The following GRIP1 variants were observed in gnomAD, a reference collection of about 807,000 sequenced individuals.
GRIP1 encodes glutamate receptor-interacting protein 1.
Under a neutral mutation model 129.9 loss-of-function variants are expected in GRIP1, and 45 were observed. The ratio of observed to expected loss-of-function variants is 0.35; its 90% confidence interval spans 0.27 to 0.44. The LOEUF is 0.44. Ranked by LOEUF, GRIP1 falls within the 20% of genes least tolerant of loss-of-function variation. The pLI is 1.00. For synonymous variants in GRIP1, 530 were observed against 520.8 expected (o/e 1.02, Z -0.24); for missense variants, 1,196 against 1,396.8 (o/e 0.86, Z 2.29).
chr12:66,741,502 C>G (rs1363096200), intron 1 of GRIP1, among the ~76,000 whole-genome samples: 1 of 152,166 alleles, frequency 6.6e-6, no homozygotes, highest in Admixed American at 6.6e-5. Flanking sequence ...GGGTATGGGG[C>G]TAGGCCAGCA....
intron 1 of GRIP1, among the ~76,000 whole-genome samples, chr12:66,642,628 A>G (rs1415329939): frequency 6.6e-6 from 1 of 152,142 alleles, no homozygotes; most frequent in Non-Finnish European, 1.5e-5. Context: ...GTTGAAAGGG[A>G]TCAGTCAGGG....
intron 1 of GRIP1, among the ~76,000 whole-genome samples, chr12:66,916,425 T>C (rs1365128328): frequency 1.3e-5 from 2 of 152,118 alleles, no homozygotes; most frequent in Non-Finnish European, 2.9e-5. Flanking sequence ...GCATGTAGAA[T>C]TCAGCTCTCC....
intron 1 of GRIP1, among the ~76,000 whole-genome samples, chr12:66,732,623 A>C (rs1444277056): frequency 2.0e-5 from 3 of 152,082 alleles, no homozygotes; most frequent in African/African-American, 7.2e-5. Context: ...AAAAGGAAAT[A>C]CATTTTCTCT....
At chr12:66,781,156 G>T (rs1407863136) in intron 1 of GRIP1, among the ~76,000 whole-genome samples, 1 of 152,200 alleles carries the variant, frequency 6.6e-6, no homozygotes, top group African/African-American at 2.4e-5. Context: ...TACTTTAAAA[G>T]TTGTCTTAAT....
intron 5 of GRIP1, among the ~76,000 whole-genome samples, chr12:66,525,839 G>A (rs1042060655): frequency 9.2e-5 from 14 of 151,902 alleles, no homozygotes; most frequent in Non-Finnish European, 1.6e-4. Flanking sequence ...AAAGTCTCAG[G>A]ATACAAAATC....
At chr12:66,930,552 T>C (rs965999171) in intron 1 of GRIP1, among the ~76,000 whole-genome samples, 2 of 151,986 alleles carry the variant, frequency 1.3e-5, no homozygotes, top group African/African-American at 2.4e-5. Context: ...TTGTGAATAA[T>C]GCCGCAATAA....
chr12:66,682,045 T>C (rs936862302), upstream of GRIP1, among the ~76,000 whole-genome samples: 10 of 152,154 alleles, frequency 6.6e-5, no homozygotes, highest in African/African-American at 2.2e-4. Context: ...AGCTAGTAAG[T>C]GGTAAAGAAC....
chr12:66,973,314 TTC>T (rs1429968708), intron 1 of GRIP1, among the ~76,000 whole-genome samples: 1 of 151,764 alleles, frequency 6.6e-6, no homozygotes, highest in Admixed American at 6.6e-5. Flanking sequence ...GTAGGTTTTT[TTC>T]TTTAACTTTT....
At chr12:66,870,544 T>C (rs990036514) in intron 1 of GRIP1, among the ~76,000 whole-genome samples, 9 of 152,152 alleles carry the variant, frequency 5.9e-5, no homozygotes, top group African/African-American at 2.2e-4. Context: ...CTGAAGTCAG[T>C]TGTATTCTTT....
At chr12:66,805,910 G>A (rs1244813851), upstream of GRIP1, among the ~76,000 whole-genome samples, 1 of 151,022 alleles carries the variant, frequency 6.6e-6, no homozygotes, top group African/African-American at 2.4e-5. Context: ...ACAAAAAGAT[G>A]CTATAAAATG....
At chr12:67,003,843 G>C (rs2042587899) in intron 1 of GRIP1, among the ~76,000 whole-genome samples, 1 of 152,052 alleles carries the variant, frequency 6.6e-6, no homozygotes, top group South Asian at 2.1e-4. Context: ...ACTATAATAA[G>C]TTACCACAAA....
At chr12:66,723,250 TCC>T (rs2036131870) in intron 1 of GRIP1, among the ~76,000 whole-genome samples, 2 of 7,742 alleles carry the variant, frequency 2.6e-4, no homozygotes, top group African/African-American at 6.1e-4. Context: ...CTTCCTTCCT[TCC>T]TTCCTTCCTT....
At position 66,932,824 on chromosome 12, in the gene GRIP1, G is replaced by A. The variant is rs569208590; in HGVS notation, c.58+136226C>T. ...ACTAGGACTGCAGGCGCCTGCCACCGCGCCCAGCTAATTTTTGTGTTTTTA... is the reference window on the plus strand; with the variant it reads ...ACTAGGACTGCAGGCGCCTGCCACCACGCCCAGCTAATTTTTGTGTTTTTA... On this transcript the variant is annotated intron_variant, in intron 1 of 1. Transcript: ENST00000643019. 2.6e-5 allele frequency among the ~76,000 whole-genome samples: 4 copies of A among 152,000 alleles called. No homozygotes were observed. In the East Asian group the frequency reaches 5.8e-4, roughly 22 times the overall value.
chr12:66,728,960 A>G (rs1402081154), intron 1 of GRIP1, among the ~76,000 whole-genome samples: 2 of 152,140 alleles, frequency 1.3e-5, no homozygotes, highest in African/African-American at 4.8e-5. Flanking sequence ...TCTAGTAATC[A>G]CTAAAATGAT....
intron 7 of GRIP1, among the ~76,000 whole-genome samples, chr12:66,471,620 C>T (rs575507534): frequency 2.0e-5 from 3 of 152,244 alleles, no homozygotes; most frequent in African/African-American, 7.2e-5. Context: ...ATGCAGTTCT[C>T]ACTATTGGAA....
chr12:67,025,827 A>G (rs2042935498), intron 1 of GRIP1, among the ~76,000 whole-genome samples: 1 of 152,224 alleles, frequency 6.6e-6, no homozygotes, highest in African/African-American at 2.4e-5. Context: ...ATTTATTAAA[A>G]TTAAAAGCAT....
At chr12:66,612,046 C>G (rs2064820186) in intron 1 of GRIP1, among the ~76,000 whole-genome samples, 1 of 152,116 alleles carries the variant, frequency 6.6e-6, no homozygotes, top group South Asian at 2.1e-4. Context: ...TTTTTCATCT[C>G]TCAAATAGGA....
intron 1 of GRIP1, among the ~76,000 whole-genome samples, chr12:66,643,952 A>T (rs1268362439): frequency 6.6e-6 from 1 of 152,202 alleles, no homozygotes; most frequent in Admixed American, 6.5e-5. Context: ...GACATACCAG[A>T]GACTGGGAAG....
chr12:67,047,472 T>C (rs1839342740), intron 1 of GRIP1, among the ~76,000 whole-genome samples: 1 of 152,184 alleles, frequency 6.6e-6, no homozygotes, highest in Non-Finnish European at 1.5e-5. Flanking sequence ...TTCCCCTTTT[T>C]ATACCCAAAA....
Sources: gnomAD v4.1 joint callset for allele counts (sites outside exome capture counted in the v4.1 genomes callset) on GRCh38, gnomAD v4.1.1 for gene constraint, MANE v1.5 for transcripts, NCBI Gene and HGNC (gene_info 2026-07-23, HGNC 2026-07-21) for gene names.